ATP8A2: variants seen among roughly 807,000 people sequenced by gnomAD.
ATP8A2 encodes the protein phospholipid-transporting ATPase IB.
ATP8A2 carries 100 observed loss-of-function variants against 165.6 expected under a neutral mutation model. The observed-to-expected ratio is 0.60, with a 90% CI of 0.51 to 0.71. ATP8A2 has a LOEUF of 0.71. Among genes scored for constraint, ATP8A2 ranks in the 30% least tolerant of loss-of-function variants. The pLI is 0.00. For synonymous variants in ATP8A2, 543 were observed against 548.8 expected, an observed-to-expected ratio of 0.99 and a Z score of 0.15; for missense variants, 1,227 against 1,479.5, an observed-to-expected ratio of 0.83 and a Z score of 2.80.
At chr13:25,400,351 T>A (rs1031626394) in intron 1 of ATP8A2, among the ~76,000 whole-genome samples, 1 of 152,210 alleles carries the variant, frequency 6.6e-6, no homozygotes, top group Non-Finnish European at 1.5e-5. Context: ...CTGAAATAAA[T>A]TTTCCACTTC....
At chr13:25,797,218 AGATCGCACCATT>A (rs1950515408) in intron 27 of ATP8A2, among the ~76,000 whole-genome samples, 2 of 152,336 alleles carry the variant, frequency 1.3e-5, no homozygotes, top group South Asian at 4.1e-4. Flanking sequence ...CAGTGAGCCA[AGATCGCACCATT>A]GCACTCCAGC....
chr13:25,956,175 C>CAAAAGGAAA (rs1955514801), intron 33 of ATP8A2, among the ~76,000 whole-genome samples: 1 of 152,168 alleles, frequency 6.6e-6, no homozygotes, highest in Admixed American at 6.5e-5. Context: ...ACTGAATGGG[C>CAAAAGGAAA]AAAAGCTGGA....
At position 25,750,189 on chromosome 13, in the gene ATP8A2, C is replaced by T. The variant is rs1037068970; in HGVS notation, c.2385-18857C>T. On this transcript the variant is annotated intron_variant, in intron 25 of 36. Transcript: ENST00000381655. This position sits in a 1 kb window ranked among gnomAD's most constrained non-coding sequence, Gnocchi z 4.3. Reference sequence around the variant, plus strand: ...CGGTGAAGTCCTCCCTGAAGGGTCACTGGTCCAGTTCGTGTGGAAGACAGG... The same window carrying T: ...CGGTGAAGTCCTCCCTGAAGGGTCATTGGTCCAGTTCGTGTGGAAGACAGG... Among the ~76,000 whole-genome samples the T allele has an allele frequency of 6.6e-6, 1 of 152,188 alleles. No homozygotes were observed. Among genetic ancestry groups the T allele is most frequent in the Non-Finnish European group, 1.5e-5 (1 of 68,036 alleles).
intron 27 of ATP8A2, among the ~76,000 whole-genome samples, chr13:25,803,115 T>C (rs1950656352): frequency 6.6e-6 from 1 of 152,150 alleles, no homozygotes; most frequent in Non-Finnish European, 1.5e-5. Context: ...GAAATCACAT[T>C]GACACTCTGT....
chr13:25,947,043 C>T (rs527914505), intron 33 of ATP8A2, among the ~76,000 whole-genome samples: 2 of 152,270 alleles, frequency 1.3e-5, no homozygotes, highest in South Asian at 2.1e-4. Context: ...CCACCGCCCC[C>T]GGCCATGTTA....
chr13:25,933,864 T>A (rs1445222834), intron 33 of ATP8A2, among the ~76,000 whole-genome samples: 1 of 152,160 alleles, frequency 6.6e-6, no homozygotes, highest in Non-Finnish European at 1.5e-5. Context: ...CCTCTGAAAA[T>A]GGAACTCAGA....
chr13:25,926,723 G>A (rs139376682), intron 33 of ATP8A2, among the ~76,000 whole-genome samples: 164 of 152,298 alleles, frequency 1.1e-3, no homozygotes, highest in African/African-American at 3.9e-3. Context: ...TCGTAGGCTA[G>A]GCATAGTGAT....
chr13:25,985,881 T>A (rs1956272951), intron 35 of ATP8A2, among the ~76,000 whole-genome samples: 1 of 152,234 alleles, frequency 6.6e-6, no homozygotes, highest in Non-Finnish European at 1.5e-5. Flanking sequence ...GGTGGGGGTA[T>A]CACTGTGACT....
intron 35 of ATP8A2, among the ~76,000 whole-genome samples, chr13:26,005,494 T>C (rs1481263452): frequency 6.6e-6 from 1 of 150,462 alleles, no homozygotes; most frequent in Non-Finnish European, 1.5e-5. Flanking sequence ...TTAGGCTTAG[T>C]TTGTTCTTCC....
At chr13:25,813,817 C>T (rs927597503) in intron 27 of ATP8A2, among the ~76,000 whole-genome samples, 6 of 152,150 alleles carry the variant, frequency 3.9e-5, no homozygotes, top group African/African-American at 1.2e-4. Flanking sequence ...AGACTGAGGA[C>T]AGCAGATTGC....
intron 27 of ATP8A2, 47 bp downstream of exon 27, chr13:25,775,006 G>T: frequency 1.8e-6 from 2 of 1,104,060 alleles, no homozygotes; most frequent in East Asian, 2.4e-5. Context: ...TCTTTTAAGA[G>T]GATATCTTGA....
chr13:25,493,411 G>A (rs1003384604), intron 2 of ATP8A2, among the ~76,000 whole-genome samples: 7 of 152,176 alleles, frequency 4.6e-5, no homozygotes, highest in African/African-American at 1.2e-4. Flanking sequence ...TGATGGGGGC[G>A]CTTAAACCAT....
chr13:25,643,546 T>G (rs75635961), intron 24 of ATP8A2, among the ~76,000 whole-genome samples: 5,265 of 152,200 alleles, frequency 0.035, 158 homozygotes, highest in East Asian at 0.13. Context: ...TTTTCCCTAT[T>G]TGTATTCTTG....
chr13:25,631,576 T>C lies in ATP8A2; in HGVS notation c.2211+41877T>C, dbSNP rs867530359. Among the ~76,000 whole-genome samples the C allele has an allele frequency of 1.2e-4, 19 of 152,254 alleles. 1 individual carries two copies. Among genetic ancestry groups the C allele is most frequent in the Middle Eastern group, 3.4e-3 (1 of 294 alleles). On this transcript the variant is annotated intron_variant, in intron 24 of 36. Transcript: ENST00000381655. ...AAAGAAGATGCTTGCTGCTTATGTG[T>C]GAAGAGAGTAATTTGGTGACCTCCT...
intron 35 of ATP8A2, among the ~76,000 whole-genome samples, chr13:26,003,751 G>A (rs181206929): frequency 5.5e-4 from 84 of 152,080 alleles, no homozygotes; most frequent in Middle Eastern, 6.8e-3. Context: ...TATCCAGTTT[G>A]CCACCACCAT....
intron 33 of ATP8A2, among the ~76,000 whole-genome samples, chr13:25,942,548 G>A (rs1005855645): frequency 2.0e-5 from 3 of 152,070 alleles, no homozygotes; most frequent in Non-Finnish European, 2.9e-5. Flanking sequence ...TCAGCCTCTC[G>A]AGTAGCTGGG....
intron 33 of ATP8A2, among the ~76,000 whole-genome samples, chr13:25,945,767 CT>C (rs1955194271): frequency 6.6e-6 from 1 of 152,204 alleles, no homozygotes; most frequent in Non-Finnish European, 1.5e-5. Context: ...TCCGGGAAGG[CT>C]GCCTGAGGGA....
At chr13:25,850,602 G>T (rs966755040) in intron 30 of ATP8A2, among the ~76,000 whole-genome samples, 4 of 152,224 alleles carry the variant, frequency 2.6e-5, no homozygotes, top group Admixed American at 2.6e-4. Flanking sequence ...ACTATTCCCG[G>T]TTTGGGGTTT....
At chr13:25,375,716 G>C (rs916425575) in intron 1 of ATP8A2, among the ~76,000 whole-genome samples, 1 of 151,802 alleles carries the variant, frequency 6.6e-6, no homozygotes, top group Non-Finnish European at 1.5e-5. Context: ...GGGATTATAG[G>C]CTCCCACCAC....
Sources: allele counts gnomAD v4.1 joint callset (sites outside exome capture counted in the v4.1 genomes callset), GRCh38; gene constraint gnomAD v4.1.1; non-coding constraint Gnocchi (gnomAD v3.1); transcripts MANE v1.5; gene names NCBI Gene and HGNC (gene_info 2026-07-23, HGNC 2026-07-21).